SLC16A7: variants seen among roughly 807,000 people sequenced by gnomAD.
SLC16A7 encodes monocarboxylate transporter 2.
In SLC16A7, 33 loss-of-function variants were observed where a neutral mutation model predicts 34.9. That is an observed-to-expected ratio of 0.94 (90% CI 0.72 to 1.26). The LOEUF (loss-of-function observed/expected upper bound fraction) is 1.26. SLC16A7 is among the 50% of genes most tolerant of loss of function. The pLI is 0.00. For missense variants in SLC16A7, 573 were observed against 578.1 expected (o/e 0.99, Z 0.09); for synonymous variants, 201 against 206.6 (o/e 0.97, Z 0.23).
chr12:59,703,659 T>G (rs956324442), intron 2 of SLC16A7, among the ~76,000 whole-genome samples: 1 of 152,120 alleles, frequency 6.6e-6, no homozygotes, highest in Non-Finnish European at 1.5e-5. Flanking sequence ...TCACCCAGGA[T>G]GGAGTGCAGT....
At chr12:59,700,885 T>C (rs1444286429) in intron 2 of SLC16A7, among the ~76,000 whole-genome samples, 1 of 151,744 alleles carries the variant, frequency 6.6e-6, no homozygotes, top group Non-Finnish European at 1.5e-5. Context: ...CACTTAACTA[T>C]GTACAGATGA....
At chr12:59,670,410 A>G (rs1048728256) in intron 2 of SLC16A7, among the ~76,000 whole-genome samples, 1 of 151,950 alleles carries the variant, frequency 6.6e-6, no homozygotes, top group Non-Finnish European at 1.5e-5. Context: ...CTGCCTTCCA[A>G]TCCACCCCCC....
intron 2 of SLC16A7, among the ~76,000 whole-genome samples, chr12:59,677,324 AT>A (rs929922320): frequency 2.6e-5 from 4 of 152,064 alleles, no homozygotes; most frequent in African/African-American, 9.7e-5. Context: ...TATTAAAGAG[AT>A]TTTTTTAAGG....
At chr12:59,741,835 A>T (rs991007225) in intron 3 of SLC16A7, among the ~76,000 whole-genome samples, 1 of 152,156 alleles carries the variant, frequency 6.6e-6, no homozygotes, top group Non-Finnish European at 1.5e-5. Flanking sequence ...AAGTTATCTG[A>T]GTTACTGGTG....
At chr12:59,707,362 C>G (rs997894786) in intron 3 of SLC16A7, among the ~76,000 whole-genome samples, 8 of 152,124 alleles carry the variant, frequency 5.3e-5, no homozygotes, top group African/African-American at 1.7e-4. Flanking sequence ...TATGACAGCC[C>G]TCCACCCTCT....
intron 1 of SLC16A7, among the ~76,000 whole-genome samples, chr12:59,608,023 C>A (rs1879022743): frequency 6.6e-6 from 1 of 152,160 alleles, no homozygotes; most frequent in Non-Finnish European, 1.5e-5. Flanking sequence ...TAATTCTTTT[C>A]TATTCAAAGC....
In SLC16A7 at chr12:59,694,448, C is replaced by T. The variant is rs1387008295; in HGVS notation, c.-30-10324C>T. 5.3e-5 allele frequency among the ~76,000 whole-genome samples: 8 copies of T among 151,806 alleles called. No homozygotes were observed. The East Asian group carries it at 7.8e-4, about 15-fold the overall frequency. ...GGAGATAAGTGTACACCCATGAAAC[C>T]GTCACTGCAATATATGCCTTAAATA... On this transcript the variant is annotated intron_variant, in intron 2 of 5. Transcript: ENST00000547379.
At chr12:59,624,738 TTGTG>T (rs34708782) in intron 1 of SLC16A7, among the ~76,000 whole-genome samples, 4,551 of 145,302 alleles carry the variant, frequency 0.031, 134 homozygotes, top group African/African-American at 0.08. Flanking sequence ...GCATTGTTAG[TTGTG>T]TGTGTGTGTG....
In SLC16A7 at chr12:59,787,760, G is replaced by A. The variant is rs1328128148; in HGVS notation, c.*8081G>A. Reference sequence around the variant, plus strand: ...GGCCCTAAAAACATCTGTAGTACGTGATGTGTTTGGTTAGATTCAGCCAAA... The same window carrying A: ...GGCCCTAAAAACATCTGTAGTACGTAATGTGTTTGGTTAGATTCAGCCAAA... On this transcript the variant is annotated 3_prime_UTR_variant, in exon 6 of 6. Coordinates refer to ENST00000547379, the MANE Select transcript of SLC16A7 (RefSeq NM_001270623.2). 1 of 152,176 alleles carries A rather than the reference G, an allele frequency of 6.6e-6. No homozygotes were observed. The highest frequency in any genetic ancestry group is 2.4e-5 in the African/African-American group (1 of 41,448). 9.4% of individuals were successfully genotyped at this position (152,176 alleles called of 1,614,324 possible).
chr12:59,615,630 A>T (rs1183752881), intron 1 of SLC16A7, among the ~76,000 whole-genome samples: 1 of 152,158 alleles, frequency 6.6e-6, no homozygotes, highest in African/African-American at 2.4e-5. Context: ...ATCAATAATA[A>T]TACCAGCAAA....
rs373549693 is a variant in SLC16A7, at chr12:59,616,722, T to C, written c.-130+20486T>C. Among the ~76,000 whole-genome samples, 37 of 152,254 alleles carry C rather than the reference T, an allele frequency of 2.4e-4. No homozygotes were observed. The East Asian group carries it at 4.6e-3, about 19-fold the overall frequency. On this transcript the variant is annotated intron_variant, in intron 1 of 5. Transcript: ENST00000547379. ...GGGTAACTTTTATTCTGGAAAAAAG[T>C]ATAGGTCATGGAAATTAAAGGAATT...
intron 3 of SLC16A7, among the ~76,000 whole-genome samples, chr12:59,744,572 G>A (rs917437828): frequency 2.0e-5 from 3 of 152,084 alleles, no homozygotes; most frequent in African/African-American, 4.8e-5. Flanking sequence ...CAAGAGCTCG[G>A]GTGCCACAGG....
At chr12:59,758,138 T>A (rs1365454175) in intron 3 of SLC16A7, among the ~76,000 whole-genome samples, 1 of 152,144 alleles carries the variant, frequency 6.6e-6, no homozygotes, top group East Asian at 1.9e-4. Context: ...CAAGGGTCAA[T>A]TGTATGTAAT....
intron 1 of SLC16A7, among the ~76,000 whole-genome samples, chr12:59,643,534 T>C (rs747724772): frequency 3.9e-5 from 6 of 152,188 alleles, no homozygotes; most frequent in Non-Finnish European, 8.8e-5. Context: ...ATTAGAAATA[T>C]AAACAACTGT....
At chr12:59,690,362 G>T (rs898985344) in intron 2 of SLC16A7, among the ~76,000 whole-genome samples, 2 of 152,086 alleles carry the variant, frequency 1.3e-5, no homozygotes, top group East Asian at 1.9e-4. Flanking sequence ...TGAGTTCTTA[G>T]CTGTGACCCC....
intron 1 of SLC16A7, among the ~76,000 whole-genome samples, chr12:59,635,472 C>G (rs1322088260): frequency 6.6e-6 from 1 of 152,002 alleles, no homozygotes; most frequent in African/African-American, 2.4e-5. Flanking sequence ...AATGCTTTTG[C>G]CATTAAAGAA....
At chr12:59,691,761 T>A (rs557882925) in intron 2 of SLC16A7, among the ~76,000 whole-genome samples, 11 of 152,086 alleles carry the variant, frequency 7.2e-5, no homozygotes, top group Non-Finnish European at 1.5e-4. Flanking sequence ...TATAGTTATA[T>A]GATATTAACA....
rs776690022 is a variant in SLC16A7 at position 59,775,194 on chromosome 12, T to C, written c.899T>C (p.Val300Ala). The part of the protein sequence containing the change: ...AFVDMFARPS[V>A]GLIANSKYIR... ...GTTGATATGTTTGCTAGGCCTTCTGTAGGATTAATTGCAAACTCCAAATAT... is the reference window on the plus strand; with the variant it reads ...GTTGATATGTTTGCTAGGCCTTCTGCAGGATTAATTGCAAACTCCAAATAT... Residue 300 changes from valine (V) to alanine (A), a missense_variant, in exon 5 of 6, where the codon GTA becomes GCA. Coordinates refer to ENST00000547379, the MANE Select transcript of SLC16A7 (RefSeq NM_001270623.2). 3.7e-6 allele frequency: 6 copies of C among 1,614,172 alleles called. No individual in the cohort carries two copies. In the South Asian group the frequency reaches 5.5e-5, roughly 15 times the overall value.
intron 2 of SLC16A7, among the ~76,000 whole-genome samples, chr12:59,690,789 C>T (rs1263035617): frequency 6.6e-6 from 1 of 151,812 alleles, no homozygotes; most frequent in Non-Finnish European, 1.5e-5. Context: ...ATAATCAGCT[C>T]AAAGTAATCC....
Sources: gnomAD v4.1 joint callset for allele counts (sites outside exome capture counted in the v4.1 genomes callset) on GRCh38, gnomAD v4.1.1 for gene constraint, MANE v1.5 for transcripts, NCBI Gene and HGNC (gene_info 2026-07-23, HGNC 2026-07-21) for gene names.